SLC25A46: variants seen among roughly 807,000 people sequenced by gnomAD.
SLC25A46 encodes the protein mitochondrial outer membrane protein SLC25A46.
In SLC25A46, 39 loss-of-function variants were observed where a neutral mutation model predicts 44.6. The observed-to-expected ratio is 0.87, with a 90% CI of 0.68 to 1.14. The LOEUF (loss-of-function observed/expected upper bound fraction) is 1.14, where lower values mean the gene tolerates loss of function less well. SLC25A46 is among the 50% of genes most tolerant of loss of function. The pLI is 0.00. For missense variants in SLC25A46, 547 were observed against 522.7 expected, an observed-to-expected ratio of 1.05 and a Z score of -0.45; for synonymous variants, 202 against 185.8, an observed-to-expected ratio of 1.09 and a Z score of -0.71.
rs1800273432 is a variant in SLC25A46 at position 110,762,242 on chromosome 5, T to A, written c.*460T>A. 6.5e-6 allele frequency: 1 copy of A among 154,482 alleles called. No individual in the cohort carries two copies. The highest frequency in any genetic ancestry group is 2.0e-4 in the South Asian group (1 of 5,024). 9.6% of individuals were successfully genotyped at this position (154,482 alleles called of 1,614,324 possible). On this transcript the variant is annotated 3_prime_UTR_variant, in exon 8 of 8. Coordinates refer to ENST00000355943, the MANE Select transcript of SLC25A46 (RefSeq NM_138773.4). The stretch of plus-strand genomic sequence containing the variant: ...AGGTTTTTACCTTTAAGCAAATAAA[T>A]TATGTCATTATTGAAAAAGACTTAA...
At chr5:110,741,613 C>T (rs1799690968) in intron 1 of SLC25A46, 1 of 152,494 alleles carries the variant, frequency 6.6e-6, no homozygotes, top group African/African-American at 2.4e-5. Context: ...GAATCAGAAG[C>T]TGAAAACTGG....
chr5:110,750,727 G>T (rs888423168), intron 5 of SLC25A46, among the ~76,000 whole-genome samples: 3 of 152,090 alleles, frequency 2.0e-5, no homozygotes, highest in South Asian at 2.1e-4. Context: ...AATAAATATT[G>T]TAAATCCGTA....
chr5:110,740,241 G>T (rs530340005), intron 1 of SLC25A46, among the ~76,000 whole-genome samples: 1 of 152,212 alleles, frequency 6.6e-6, no homozygotes, highest in East Asian at 1.9e-4. Flanking sequence ...GGAATTGTTA[G>T]AATAATAGAT....
At chr5:110,740,437 C>T (rs1215443103) in intron 1 of SLC25A46, among the ~76,000 whole-genome samples, 1 of 152,126 alleles carries the variant, frequency 6.6e-6, no homozygotes, top group Non-Finnish European at 1.5e-5. Context: ...CTTTTTGACT[C>T]TTCCCGGTTT....
chr5:110,748,041 T>C, intron 4 of SLC25A46, 122 bp from the exon 5 acceptor site: 1 of 627,926 alleles, frequency 1.6e-6, no homozygotes, highest in Admixed American at 2.8e-5. Flanking sequence ...AGTTCTCTAC[T>C]AATATTTCTA....
chr5:110,764,400 AAGCC>A lies in SLC25A46; in HGVS notation c.*2619_*2622del, dbSNP rs1800336035. 6.6e-6 allele frequency: 1 copy of A among 151,934 alleles called. No individual in the cohort carries two copies. Among genetic ancestry groups the A allele is most frequent in the African/African-American group, 2.4e-5 (1 of 41,428 alleles). 9.4% of individuals were successfully genotyped at this position (151,934 alleles called of 1,614,324 possible). ...TCTGGGTTAATAAGGTTATCTATTA[AAGCC>A]CCCAGAATCTCAGCACTAGATGTCA... On this transcript the variant is annotated 3_prime_UTR_variant, in exon 8 of 8. Transcript: ENST00000355943.
chr5:110,760,848 G>A lies in SLC25A46; in HGVS notation c.679-356G>A, dbSNP rs1800230653. On this transcript the variant is annotated intron_variant, in intron 7 of 7. Transcript: ENST00000355943. ...AATGGTTACATAGCCAGTAAGTAATGGAGCCAGGATTTAAACATGTTTAAG... is the reference window on the plus strand; with the variant it reads ...AATGGTTACATAGCCAGTAAGTAATAGAGCCAGGATTTAAACATGTTTAAG... Among the ~76,000 whole-genome samples the A allele has an allele frequency of 2.0e-5, 3 of 152,088 alleles. No homozygotes were observed. The South Asian group carries it at 6.2e-4, about 32-fold the overall frequency.
intron 3 of SLC25A46, 105 bp downstream of exon 3, chr5:110,743,892 A>G: frequency 1.2e-6 from 1 of 843,312 alleles, no homozygotes; most frequent in Non-Finnish European, 1.8e-6. Context: ...ACTTCATGTG[A>G]AATGTTCCAA....
At chr5:110,756,955 TTTAA>T (rs1800132525) in intron 7 of SLC25A46, 196 bp downstream of exon 7, 1 of 392,264 alleles carries the variant, frequency 2.5e-6, no homozygotes, top group Non-Finnish European at 4.5e-6. Flanking sequence ...CACTTCTAGT[TTTAA>T]TTATTTTTGT....
In SLC25A46 at chr5:110,761,169, G is replaced by A. The variant is rs747474494; in HGVS notation, c.679-35G>A. On this transcript the variant is annotated intron_variant, in intron 7 of 7. Transcript: ENST00000355943. This position sits in a 1 kb window ranked among gnomAD's most constrained non-coding sequence, Gnocchi z 5.3. Reference sequence around the variant, plus strand: ...TTTTTCTGTGGCAAAATAAGCAAATGTTAAGTTTTACTTATTTCATCATTT... The same window carrying A: ...TTTTTCTGTGGCAAAATAAGCAAATATTAAGTTTTACTTATTTCATCATTT... The A allele has an allele frequency of 6.6e-7, 1 of 1,505,436 alleles. No homozygotes were observed. Among genetic ancestry groups the A allele is most frequent in the East Asian group, 2.3e-5 (1 of 44,184 alleles). The allele number at this position is 1,505,436 out of a possible 1,614,324, so 93.3% of individuals were successfully genotyped here.
At chr5:110,738,347 C>A (rs1799433196), upstream of SLC25A46, 2 of 862,232 alleles carry the variant, frequency 2.3e-6, no homozygotes, top group Admixed American at 4.7e-5. Flanking sequence ...GTGATTTAGA[C>A]ACATCAGAAA....
At chr5:110,746,178 T>G in intron 3 of SLC25A46, 91 bp from the exon 4 acceptor site, 1 of 1,023,764 alleles carries the variant, frequency 9.8e-7, no homozygotes, top group African/African-American at 1.7e-5. Flanking sequence ...AACTTTTGTT[T>G]ATACTGCAAT....
chr5:110,738,854 C>T (rs756939894), upstream of SLC25A46: 2 of 723,714 alleles, frequency 2.8e-6, no homozygotes, highest in Non-Finnish European at 4.3e-6. Context: ...ATCCCACAAC[C>T]ATATTCCCAC....
upstream of SLC25A46, chr5:110,738,822 T>C (rs1278767041): frequency 1.9e-6 from 1 of 538,674 alleles, no homozygotes; most frequent in Non-Finnish European, 3.1e-6. Flanking sequence ...TTCTGGAATC[T>C]CTTTGGTACT....
intron 7 of SLC25A46, among the ~76,000 whole-genome samples, chr5:110,759,499 G>A (rs1291771224): frequency 6.6e-6 from 1 of 152,090 alleles, no homozygotes; most frequent in South Asian, 2.1e-4. Flanking sequence ...TGTATTTAGA[G>A]GGAAAGCAGG....
In SLC25A46 at chr5:110,762,799, C is replaced by G. The variant is rs1402605260; in HGVS notation, c.*1017C>G. 1.3e-5 allele frequency: 2 copies of G among 151,946 alleles called. No individual in the cohort carries two copies. The highest frequency in any genetic ancestry group is 2.9e-5 in the Non-Finnish European group (2 of 67,880). The allele number at this position is 151,946 out of a possible 1,614,324, so 9.4% of individuals were successfully genotyped here. On this transcript the variant is annotated 3_prime_UTR_variant, in exon 8 of 8. Coordinates refer to ENST00000355943, the MANE Select transcript of SLC25A46 (RefSeq NM_138773.4). ...TCATCTGGGAATTTGTGCCTCTTGT[C>G]TAGTATATAGTCACCACTAAATAAT...
chr5:110,757,490 T>C (rs1241445676), intron 7 of SLC25A46, among the ~76,000 whole-genome samples: 2 of 152,152 alleles, frequency 1.3e-5, no homozygotes, highest in East Asian at 3.9e-4. Flanking sequence ...TATATGTGAG[T>C]GCCCTCTCTG....
At position 110,742,054 on chromosome 5, in the gene SLC25A46, G is replaced by A; in HGVS notation, c.291G>A (p.Leu97=). 1.3e-6 allele frequency: 2 copies of A among 1,571,810 alleles called. No individual in the cohort carries two copies. The highest frequency in any genetic ancestry group is 1.7e-6 in the Non-Finnish European group (2 of 1,155,644). Reference sequence around the variant, plus strand: ...TATTTTTTTTTACTTTAGAACAGCTGAATAGATTTGCTGGATTTGGTATTG... The same window carrying A: ...TATTTTTTTTTACTTTAGAACAGCTAAATAGATTTGCTGGATTTGGTATTG... ...GSVQGQSSEQ[L]NRFAGFGIGL... The change falls in exon 2 of 8, where the codon CTG becomes CTA. Residue 97 remains leucine, a synonymous_variant. Coordinates refer to ENST00000355943, the MANE Select transcript of SLC25A46 (RefSeq NM_138773.4).
intron 1 of SLC25A46, among the ~76,000 whole-genome samples, chr5:110,739,776 AG>A (rs138930322): frequency 0.087 from 13,199 of 152,086 alleles, 597 homozygotes; most frequent in Admixed American, 0.13. Context: ...GTTTACTTGT[AG>A]TTTTGTGTTC....
Sources: gnomAD v4.1 joint callset for allele counts (sites outside exome capture counted in the v4.1 genomes callset) on GRCh38, gnomAD v4.1.1 for gene constraint, Gnocchi (gnomAD v3.1) non-coding constraint, MANE v1.5 for transcripts, NCBI Gene and HGNC (gene_info 2026-07-23, HGNC 2026-07-21) for gene names.